Variants in ARHGAP32 observed in about 807,000 individuals in gnomAD.
The protein encoded by ARHGAP32 is Rho GTPase activating protein 32, also known as rho GTPase-activating protein 32.
A neutral mutation model predicts 186.5 loss-of-function variants in ARHGAP32; 51 were observed. That is an observed-to-expected ratio of 0.27 (90% CI 0.22 to 0.35). The LOEUF (loss-of-function observed/expected upper bound fraction) is 0.35, where lower values mean the gene tolerates loss of function less well. Among genes scored for constraint, ARHGAP32 ranks in the 10% least tolerant of loss-of-function variants. The pLI, the probability that ARHGAP32 is intolerant of heterozygous loss-of-function variation, is 1.00. For synonymous variants in ARHGAP32, 950 were observed against 964.3 expected (o/e 0.99, Z 0.27); for missense variants, 2,186 against 2,623.5 (o/e 0.83, Z 3.64).
intron 11 of ARHGAP32, among the ~76,000 whole-genome samples, chr11:129,010,017 G>A (rs576663084): frequency 2.0e-4 from 31 of 152,302 alleles, no homozygotes; most frequent in African/African-American, 7.5e-4. Flanking sequence ...CATTCTGACT[G>A]GCGTGAGATG....
rs757558474 is a variant in ARHGAP32, at chr11:129,124,879, C to T, written c.241G>A (p.Val81Ile). The change falls in exon 3 of 23, where the codon GTT (valine) becomes ATT (isoleucine). Residue 81 changes from valine to isoleucine, a missense_variant. By Grantham distance (29) the Val-to-Ile change is conservative (BLOSUM62 3). Around this residue, in one of 5 missense-constraint regions of ARHGAP32, gnomAD observed 108 missense variants for 116.8 expected, o/e 0.92. Coordinates refer to ENST00000682385, the MANE Select transcript of ARHGAP32 (RefSeq NM_001378024.1). ...TLSAMARGADVPEIPGDLTLK... is the reference protein window; with the variant it reads ...TLSAMARGADIPEIPGDLTLK... ...GTAAGATCTCCAGGAATCTCTGGAA[C>T]ATCTGCGCCTCTTGCCTTAAAAAAT... is the stretch of plus-strand genomic sequence containing the variant. 10 of 1,609,354 alleles carry T rather than the reference C, an allele frequency of 6.2e-6. No individual in the cohort carries two copies. In the African/African-American group the frequency reaches 1.2e-4, roughly 19 times the overall value.
intron 11 of ARHGAP32, among the ~76,000 whole-genome samples, chr11:129,009,435 C>T (rs931716060): frequency 1.8e-4 from 27 of 152,268 alleles, no homozygotes; most frequent in African/African-American, 6.5e-4. Context: ...ATCATCCAAT[C>T]ACCTAGGTAT....
chr11:128,980,935 A>G (rs1341885436), intron 17 of ARHGAP32, among the ~76,000 whole-genome samples, 187 bp from the exon 18 acceptor site: 2 of 152,232 alleles, frequency 1.3e-5, no homozygotes, highest in Non-Finnish European at 2.9e-5. Context: ...TGGCACACAT[A>G]CATACATATA....
chr11:129,270,210 C>T (rs1324941463), intron 1 of ARHGAP32, among the ~76,000 whole-genome samples: 3 of 151,954 alleles, frequency 2.0e-5, no homozygotes, highest in East Asian at 1.9e-4. Flanking sequence ...AATCAAGCCA[C>T]GAAAAGACAG....
At chr11:129,129,396 G>A (rs922397936) in intron 2 of ARHGAP32, among the ~76,000 whole-genome samples, 8 of 149,758 alleles carry the variant, frequency 5.3e-5, no homozygotes, top group Admixed American at 2.0e-4. Context: ...CCCGGCAGCC[G>A]CCCAGTCCGG....
rs570003665 is a variant in ARHGAP32 at position 129,014,829 on chromosome 11, C to T, written c.1046-16361G>A. 3.9e-5 allele frequency among the ~76,000 whole-genome samples: 6 copies of T among 152,262 alleles called. No individual in the cohort carries two copies. In the East Asian group the frequency reaches 1.2e-3, roughly 29 times the overall value. On this transcript the variant is annotated intron_variant, in intron 11 of 22. Coordinates refer to ENST00000682385, the MANE Select transcript of ARHGAP32 (RefSeq NM_001378024.1). ...TAAGTGAGGAGAATACAAATACAGG[C>T]AACTGGATTACATAATGTTTAAGGT...
In ARHGAP32 at chr11:128,966,578, C is replaced by T. The variant is rs1945226898; in HGVS notation, c.*2329G>A. ...TATTTACCTGATATTTCTAAACCCACAGGACATTTATTAATAAAGAAATTG... is the reference window on the plus strand; with the variant it reads ...TATTTACCTGATATTTCTAAACCCATAGGACATTTATTAATAAAGAAATTG... On this transcript the variant is annotated 3_prime_UTR_variant, in exon 23 of 23. Coordinates refer to ENST00000682385, the MANE Select transcript of ARHGAP32 (RefSeq NM_001378024.1). 1 of 152,182 alleles carries T rather than the reference C, an allele frequency of 6.6e-6. No individual in the cohort carries two copies. Among genetic ancestry groups the T allele is most frequent in the South Asian group, 2.1e-4 (1 of 4,832 alleles). 9.4% of individuals were successfully genotyped at this position (152,182 alleles called of 1,614,324 possible).
At chr11:129,218,783 T>A (rs1186611154) in intron 1 of ARHGAP32, among the ~76,000 whole-genome samples, 1 of 152,062 alleles carries the variant, frequency 6.6e-6, no homozygotes, top group Non-Finnish European at 1.5e-5. Flanking sequence ...GCCTAGCCAA[T>A]GAAAAAGTAA....
At chr11:129,052,308 A>T (rs1021106963) in intron 10 of ARHGAP32, among the ~76,000 whole-genome samples, 25 of 152,176 alleles carry the variant, frequency 1.6e-4, no homozygotes, top group African/African-American at 6.0e-4. Flanking sequence ...TGAAAACTGT[A>T]GCTTTGTAGT....
In ARHGAP32 at chr11:129,268,733, A is replaced by G. The variant is rs184565550; in HGVS notation, c.-5+10413T>C. Among the ~76,000 whole-genome samples, 265 of 151,414 alleles carry G rather than the reference A, an allele frequency of 1.8e-3. 1 individual carries two copies. Among genetic ancestry groups the G allele is most frequent in the Non-Finnish European group, 3.4e-3 (231 of 67,886 alleles). ...CATTCTTCAAAATTAGTTACTAAAT[A>G]GAAGACCAAAGCAGCCTTGTCTCAA... On this transcript the variant is annotated intron_variant, in intron 1 of 6. Coordinates refer to the ARHGAP32 transcript ENST00000525234.
At chr11:129,147,041 G>C (rs1034208249) in intron 2 of ARHGAP32, among the ~76,000 whole-genome samples, 2 of 151,900 alleles carry the variant, frequency 1.3e-5, no homozygotes, top group Admixed American at 6.6e-5. Context: ...GTAAAATTGT[G>C]GCTCTAATCT....
At chr11:128,985,243 C>G (rs1433030360) in intron 15 of ARHGAP32, among the ~76,000 whole-genome samples, 1 of 152,138 alleles carries the variant, frequency 6.6e-6, no homozygotes, top group Non-Finnish European at 1.5e-5. Flanking sequence ...GTCTCAAACT[C>G]CTCACCTCAG....
At chr11:129,167,693 T>C (rs1425518814) in intron 1 of ARHGAP32, among the ~76,000 whole-genome samples, 3 of 152,186 alleles carry the variant, frequency 2.0e-5, no homozygotes, top group Admixed American at 2.0e-4. Context: ...AAAATTATAT[T>C]AGTTGTTTCC....
intron 10 of ARHGAP32, among the ~76,000 whole-genome samples, chr11:129,043,747 G>A (rs1188086053): frequency 2.6e-5 from 4 of 152,040 alleles, no homozygotes; most frequent in African/African-American, 7.2e-5. Flanking sequence ...TTCACAGAAG[G>A]CAGAGTTTCT....
At chr11:129,074,879 A>G (rs1282757106) in intron 6 of ARHGAP32, among the ~76,000 whole-genome samples, 1 of 152,236 alleles carries the variant, frequency 6.6e-6, no homozygotes, top group African/African-American at 2.4e-5. Context: ...ACAAAAAAAG[A>G]GAATTGATCA....
chr11:129,174,085 C>T (rs1281191513), intron 1 of ARHGAP32, among the ~76,000 whole-genome samples: 1 of 152,212 alleles, frequency 6.6e-6, no homozygotes, highest in Non-Finnish European at 1.5e-5. Context: ...TGGGTGCGCG[C>T]ACCGTGCACA....
At chr11:129,052,243 T>G (rs1447868598) in intron 10 of ARHGAP32, among the ~76,000 whole-genome samples, 1 of 152,190 alleles carries the variant, frequency 6.6e-6, no homozygotes, top group Non-Finnish European at 1.5e-5. Flanking sequence ...TTCAGGACTG[T>G]CTATTCTTTC....
chr11:129,164,232 G>T, intron 2 of ARHGAP32, 87 bp downstream of exon 2: 1 of 807,636 alleles, frequency 1.2e-6, no homozygotes, highest in Non-Finnish European at 1.9e-6. Flanking sequence ...AATTTTTTGT[G>T]TAATGTGTCC....
rs1945190994 is a variant in ARHGAP32 at position 128,965,090 on chromosome 11, A to G, written c.*3817T>C. ...TTTAACCTGAAATAATTCTGTTGAT[A>G]TTTGAATCACTTTCAGTGGGACATT... On this transcript the variant is annotated 3_prime_UTR_variant, in exon 23 of 23. Transcript: ENST00000682385. 1 of 152,154 alleles carries G rather than the reference A, an allele frequency of 6.6e-6. No individual in the cohort carries two copies. Among genetic ancestry groups the G allele is most frequent in the Non-Finnish European group, 1.5e-5 (1 of 68,030 alleles). 9.4% of individuals were successfully genotyped at this position (152,154 alleles called of 1,614,324 possible).
Sources: gnomAD v4.1 joint callset for allele counts (sites outside exome capture counted in the v4.1 genomes callset) on GRCh38, gnomAD v4.1.1 for gene constraint, gnomAD v4.1.1 regional missense constraint, MANE v1.5 for transcripts, NCBI Gene and HGNC (gene_info 2026-07-23, HGNC 2026-07-21) for gene names.